GPR39: variants seen among roughly 807,000 people sequenced by gnomAD.
The protein encoded by GPR39 is zinc sensing receptor.
Under a neutral mutation model 18.4 loss-of-function variants are expected in GPR39, and 23 were observed. The ratio of observed to expected loss-of-function variants is 1.25; its 90% CI spans 0.90 to 1.77. The LOEUF (loss-of-function observed/expected upper bound fraction) is 1.77, where lower values mean the gene tolerates loss of function less well. Ranked by LOEUF, GPR39 falls within the 40% of genes most tolerant of loss-of-function variation. The pLI, the probability that GPR39 is intolerant of heterozygous loss-of-function variation, is 0.00. For synonymous variants in GPR39, 280 were observed against 257.9 expected, an observed-to-expected ratio of 1.09 and a Z score of -0.82; for missense variants, 647 against 602.4, an observed-to-expected ratio of 1.07 and a Z score of -0.78.
At chr2:132,495,727 A>G (rs1681628619) in intron 1 of GPR39, among the ~76,000 whole-genome samples, 2 of 152,106 alleles carry the variant, frequency 1.3e-5, no homozygotes, top group South Asian at 4.2e-4. Context: ...TCTTGGAGAA[A>G]TTTTATCAGT....
intron 1 of GPR39, chr2:132,604,575 A>G (rs1332983885): frequency 6.6e-6 from 1 of 152,250 alleles, no homozygotes; most frequent in Non-Finnish European, 1.5e-5. Flanking sequence ...GAGGTCTGCT[A>G]TCTGATGGCA....
At chr2:132,582,911 C>CT (rs1558847637) in intron 1 of GPR39, among the ~76,000 whole-genome samples, 2 of 114,058 alleles carry the variant, frequency 1.8e-5, no homozygotes, top group African/African-American at 6.3e-5. Context: ...AGATTTCTTT[C>CT]TTTCTTTTTT....
chr2:132,483,216 C>T (rs959529941), intron 1 of GPR39, among the ~76,000 whole-genome samples: 8 of 152,172 alleles, frequency 5.3e-5, no homozygotes, highest in African/African-American at 1.9e-4. Flanking sequence ...GGTTCAACTA[C>T]TATTGTTGTT....
intron 1 of GPR39, among the ~76,000 whole-genome samples, chr2:132,465,611 C>A (rs763998423): frequency 2.0e-5 from 3 of 152,160 alleles, no homozygotes; most frequent in Non-Finnish European, 4.4e-5. Context: ...TCTCCCTTGG[C>A]AGGTTTACAG....
intron 1 of GPR39, among the ~76,000 whole-genome samples, chr2:132,438,752 G>T (rs1011822033): frequency 6.6e-6 from 1 of 152,012 alleles, no homozygotes; most frequent in South Asian, 2.1e-4. Flanking sequence ...CAAGTTGAAG[G>T]TCTTCCTTAG....
At chr2:132,477,831 A>T (rs958072773) in intron 1 of GPR39, among the ~76,000 whole-genome samples, 1 of 152,212 alleles carries the variant, frequency 6.6e-6, no homozygotes, top group Non-Finnish European at 1.5e-5. Flanking sequence ...TTCTCTTTTC[A>T]TCTTCCTCCT....
intron 1 of GPR39, among the ~76,000 whole-genome samples, chr2:132,469,473 G>A (rs1331013018): frequency 6.6e-6 from 1 of 152,232 alleles, no homozygotes; most frequent in Admixed American, 6.5e-5. Flanking sequence ...TATTGCCTCT[G>A]CAGGCCATGT....
intron 1 of GPR39, among the ~76,000 whole-genome samples, chr2:132,535,507 A>T (rs1679739265): frequency 6.6e-6 from 1 of 152,098 alleles, no homozygotes; most frequent in African/African-American, 2.4e-5. Context: ...CATCAGGGAT[A>T]TTGGCCTGAA....
intron 1 of GPR39, among the ~76,000 whole-genome samples, chr2:132,583,382 C>CAA (rs10707930): frequency 3.8e-4 from 55 of 143,362 alleles, no homozygotes; most frequent in South Asian, 2.2e-3. Flanking sequence ...ACATATCCCT[C>CAA]AAAAAAAAAA....
At chr2:132,478,218 A>T (rs975004282) in intron 1 of GPR39, among the ~76,000 whole-genome samples, 4 of 152,226 alleles carry the variant, frequency 2.6e-5, no homozygotes, top group African/African-American at 9.6e-5. Flanking sequence ...AGATTCCTTG[A>T]GGGGAGGAGT....
intron 1 of GPR39, among the ~76,000 whole-genome samples, chr2:132,534,458 A>G (rs1679704120): frequency 6.7e-6 from 1 of 148,644 alleles, no homozygotes; most frequent in Admixed American, 6.9e-5. Context: ...AGAACTAGAA[A>G]TACCATTTGA....
At position 132,526,279 on chromosome 2, in the gene GPR39, A is replaced by G. The variant is rs115374754; in HGVS notation, c.856+108381A>G. ...TGGGAAATTTTGAATTCCTACAGAT[A>G]TTTGACCCCAAAAGTTTTAGCCATA... is the stretch of plus-strand genomic sequence containing the variant. On this transcript the variant is annotated intron_variant, in intron 1 of 1. Transcript: ENST00000329321. 4.4e-3 allele frequency among the ~76,000 whole-genome samples: 675 copies of G among 152,278 alleles called. 4 individuals carry two copies. The highest frequency in any genetic ancestry group is 0.015 in the African/African-American group (621 of 41,560).
intron 1 of GPR39, among the ~76,000 whole-genome samples, chr2:132,473,076 T>C (rs1293612841): frequency 6.6e-6 from 1 of 152,160 alleles, no homozygotes; most frequent in African/African-American, 2.4e-5. Flanking sequence ...TCTGTTCCCC[T>C]GGTATCTTCC....
chr2:132,418,790 G>A (rs1679957742), intron 1 of GPR39, among the ~76,000 whole-genome samples: 1 of 152,198 alleles, frequency 6.6e-6, no homozygotes, highest in African/African-American at 2.4e-5. Flanking sequence ...TGAACAAAGG[G>A]TTTTAAAATA....
intron 1 of GPR39, among the ~76,000 whole-genome samples, chr2:132,493,545 A>G (rs1373810518): frequency 6.7e-6 from 1 of 148,864 alleles, no homozygotes; most frequent in East Asian, 2.0e-4. Flanking sequence ...CCATATATAT[A>G]TATATGGTAG....
rs771167911 is a variant in GPR39 at position 132,645,407 on chromosome 2, T to G, written c.1163T>G (p.Val388Gly). 4 of 1,613,438 alleles carry G rather than the reference T, an allele frequency of 2.5e-6. No homozygotes were observed. Among genetic ancestry groups the G allele is most frequent in the Admixed American group, 3.3e-5 (2 of 59,998 alleles). Residue 388 changes from valine (V) to glycine (G), a missense_variant, in exon 2 of 2, where the codon GTG becomes GGG. This residue lies in a region of GPR39 where 581 missense variants were observed against 506.8 expected (regional missense o/e 1.15). Coordinates refer to ENST00000329321, the MANE Select transcript of GPR39 (RefSeq NM_001508.3). ...AHSTTDSARF[V>G]QRPLLFASRR... ...TCCACCACCGACAGCGCCCGCTTTG[T>G]GCAGCGCCCGTTGCTCTTCGCGTCC...
intron 1 of GPR39, among the ~76,000 whole-genome samples, chr2:132,561,083 T>A (rs749906350): frequency 2.0e-5 from 3 of 148,312 alleles, no homozygotes; most frequent in Non-Finnish European, 2.9e-5. Context: ...CTGGCTAAAT[T>A]TTGTATTTTT....
chr2:132,527,601 T>C (rs1297147787), intron 1 of GPR39, among the ~76,000 whole-genome samples: 1 of 152,226 alleles, frequency 6.6e-6, no homozygotes, highest in East Asian at 1.9e-4. Context: ...TGCCAGCATC[T>C]ATTGTTTCTT....
chr2:132,426,661 T>G (rs1348102673), intron 1 of GPR39, among the ~76,000 whole-genome samples: 1 of 152,220 alleles, frequency 6.6e-6, no homozygotes, highest in African/African-American at 2.4e-5. Flanking sequence ...TTTTAGAGCC[T>G]TTCCCGATTT....
Sources: gnomAD v4.1 joint callset for allele counts (sites outside exome capture counted in the v4.1 genomes callset) on GRCh38, gnomAD v4.1.1 for gene constraint, gnomAD v4.1.1 regional missense constraint, MANE v1.5 for transcripts, NCBI Gene and HGNC (gene_info 2026-07-23, HGNC 2026-07-21) for gene names.